Variants in KNDC1 observed in about 807,000 individuals in gnomAD.
KNDC1 encodes the protein kinase non-catalytic C-lobe domain-containing protein 1.
In KNDC1, 106 loss-of-function variants were observed where a neutral mutation model predicts 172.8. The observed-to-expected ratio is 0.61, with a 90% CI of 0.52 to 0.72. KNDC1 has a LOEUF of 0.72. KNDC1 is among the 30% of genes least tolerant of loss of function. The pLI, the probability that KNDC1 is intolerant of heterozygous loss-of-function variation, is 0.00. For synonymous variants in KNDC1, 1,083 were observed against 1,062.2 expected (o/e 1.02, Z -0.38); for missense variants, 2,325 against 2,394.5 (o/e 0.97, Z 0.61).
At position 133,163,110 on chromosome 10, in the gene KNDC1, T is replaced by TCCAGGCAGAACAGC. The variant is rs1853029493; in HGVS notation, c.102+2541_102+2542insCCAGGCAGAACAGC. ...GGGTATGGGATCTGAGGCAGAACAG[T>TCCAGGCAGAACAGC]GCAATCCAGGCAGAACAGCGGCTGC... On this transcript the variant is annotated intron_variant, in intron 1 of 29. Transcript: ENST00000304613. The surrounding 1 kb of genome is among the most constrained non-coding windows in gnomAD (Gnocchi z 4.4). 2.0e-5 allele frequency among the ~76,000 whole-genome samples: 3 copies of TCCAGGCAGAACAGC among 152,112 alleles called. No homozygotes were observed. The highest frequency in any genetic ancestry group is 7.2e-5 in the African/African-American group (3 of 41,396).
chr10:133,208,576 C>CG (rs74204219), intron 20 of KNDC1, among the ~76,000 whole-genome samples: 12,847 of 50,480 alleles, frequency 0.25, 3,917 homozygotes, highest in African/African-American at 0.35. Flanking sequence ...TAGAGAGGGA[C>CG]GTGGCCCCAC....
At chr10:133,161,942 G>T (rs2135937290) in intron 1 of KNDC1, among the ~76,000 whole-genome samples, 1 of 152,184 alleles carries the variant, frequency 6.6e-6, no homozygotes, top group South Asian at 2.1e-4. Flanking sequence ...GAGCCCACTT[G>T]GAGCCACAGG....
intron 17 of KNDC1, among the ~76,000 whole-genome samples, chr10:133,204,914 T>G (rs1214340276): frequency 2.7e-5 from 4 of 149,722 alleles, no homozygotes; most frequent in Non-Finnish European, 5.9e-5. Flanking sequence ...CAGGTGCCCC[T>G]GCCCCGTGGC....
rs150378843 is a variant in KNDC1, at chr10:133,163,330, C to T, written c.102+2761C>T. Among the ~76,000 whole-genome samples the T allele has an allele frequency of 3.9e-3, 597 of 152,236 alleles. 3 individuals are homozygous for T. The highest frequency in any genetic ancestry group is 0.014 in the African/African-American group (568 of 41,536). On this transcript the variant is annotated intron_variant, in intron 1 of 29. Coordinates refer to ENST00000304613, the MANE Select transcript of KNDC1 (RefSeq NM_152643.8). The surrounding 1 kb of genome is among the most constrained non-coding windows in gnomAD (Gnocchi z 4.4). ...CTGCCTCCCAGAACCTCCTGTGTGCCGGTGTCAGGCTGGGCTCAGAATCTG... is the reference window on the plus strand; with the variant it reads ...CTGCCTCCCAGAACCTCCTGTGTGCTGGTGTCAGGCTGGGCTCAGAATCTG...
intron 20 of KNDC1, among the ~76,000 whole-genome samples, chr10:133,208,958 G>A (rs539802875): frequency 7.9e-5 from 12 of 152,156 alleles, no homozygotes; most frequent in East Asian, 1.9e-4. Flanking sequence ...CGCATGTGTG[G>A]CGTGGGGTAT....
intron 1 of KNDC1, among the ~76,000 whole-genome samples, chr10:133,166,584 C>T (rs905438078): frequency 1.3e-5 from 2 of 152,094 alleles, no homozygotes; most frequent in African/African-American, 4.8e-5. Flanking sequence ...GTGTGTGAAG[C>T]GGATGGAACT....
In KNDC1 at chr10:133,210,732, G is replaced by A. The variant is rs769307370; in HGVS notation, c.3908+8G>A. 6.9e-6 allele frequency: 11 copies of A among 1,591,560 alleles called. No individual in the cohort carries two copies. Among genetic ancestry groups the A allele is most frequent in the Non-Finnish European group, 8.6e-6 (10 of 1,159,446 alleles). On this transcript the variant is annotated splice_region_variant and intron_variant, in intron 21 of 29. Coordinates refer to ENST00000304613, the MANE Select transcript of KNDC1 (RefSeq NM_152643.8). Reference sequence around the variant, plus strand: ...CAACAGCACGCTGACCAGGTACCAAGCTCCACAGCTCCACGCCCGCCAGAG... The same window carrying A: ...CAACAGCACGCTGACCAGGTACCAAACTCCACAGCTCCACGCCCGCCAGAG...
chr10:133,184,449 TCA>T (rs557388011), intron 5 of KNDC1, among the ~76,000 whole-genome samples: 51 of 152,166 alleles, frequency 3.4e-4, no homozygotes, highest in African/African-American at 1.2e-3. Context: ...ACTCACGTAT[TCA>T]CACACTGACA....
intron 6 of KNDC1, among the ~76,000 whole-genome samples, chr10:133,187,927 GC>G (rs1358228623): frequency 8.0e-6 from 1 of 125,584 alleles, no homozygotes; most frequent in East Asian, 2.1e-4. Flanking sequence ...ACCTCCATGA[GC>G]CTGGCCCCTG....
At position 133,200,374 on chromosome 10, in the gene KNDC1, G is replaced by A; in HGVS notation, c.2904-1G>A. The A allele has an allele frequency of 1.9e-6, 3 of 1,585,774 alleles. No individual in the cohort carries two copies. Among genetic ancestry groups the A allele is most frequent in the Admixed American group, 1.8e-5 (1 of 56,858 alleles). Reference sequence around the variant, plus strand: ...GGACTGACCTGCATTCTCGTCGTCAGCACGGCCGAGGAGGCTGGGTCACAG... The same window carrying A: ...GGACTGACCTGCATTCTCGTCGTCAACACGGCCGAGGAGGCTGGGTCACAG... On this transcript the variant is annotated splice_acceptor_variant, in intron 15 of 29. Transcript: ENST00000304613. LOFTEE classifies it high-confidence loss of function.
At chr10:133,162,416 G>A (rs1367297443) in intron 1 of KNDC1, among the ~76,000 whole-genome samples, 1 of 152,202 alleles carries the variant, frequency 6.6e-6, no homozygotes, top group Admixed American at 6.5e-5. Flanking sequence ...GGAAAGCACG[G>A]TGGCGCCAGG....
intron 3 of KNDC1, among the ~76,000 whole-genome samples, chr10:133,177,633 A>C (rs1853582999): frequency 6.6e-6 from 1 of 151,592 alleles, no homozygotes; most frequent in African/African-American, 2.4e-5. Flanking sequence ...GTGTGTTGTG[A>C]GCATGTGTGT....
At chr10:133,183,801 G>A (rs1047182621) in intron 4 of KNDC1, 71 bp from the exon 5 acceptor site, 129 of 1,231,764 alleles carry the variant, frequency 1.0e-4, no homozygotes, top group Middle Eastern at 5.8e-4. Flanking sequence ...GGATCCGGCC[G>A]TGTCGGGTGG....
In KNDC1 at chr10:133,167,478, G is replaced by A. The variant is rs754953428; in HGVS notation, c.200G>A (p.Arg67Gln). The A allele has an allele frequency of 2.4e-5, 38 of 1,606,454 alleles. No homozygotes were observed. Among genetic ancestry groups the A allele is most frequent in the Admixed American group, 1.9e-4 (11 of 59,156 alleles). ...AVCLECSLSM[R>Q]SVAHAAIFQS... Reference sequence around the variant, plus strand: ...TGCCTGGAGTGCAGCCTGTCCATGCGGAGCGTGGCCCACGCCGCCATCTTC... The same window carrying A: ...TGCCTGGAGTGCAGCCTGTCCATGCAGAGCGTGGCCCACGCCGCCATCTTC... Residue 67 changes from arginine to glutamine, a missense_variant, in exon 2 of 30, where the codon CGG (arginine) becomes CAG (glutamine). Coordinates refer to ENST00000304613, the MANE Select transcript of KNDC1 (RefSeq NM_152643.8).
At position 133,167,164 on chromosome 10, in the gene KNDC1, C is replaced by T. The variant is rs945617462; in HGVS notation, c.103-217C>T. Reference sequence around the variant, plus strand: ...GAGCCGACACCTGCTCTGGGCAGCACGCCGACGGTGCCACCAAATGTTCCG... The same window carrying T: ...GAGCCGACACCTGCTCTGGGCAGCATGCCGACGGTGCCACCAAATGTTCCG... On this transcript the variant is annotated intron_variant, in intron 1 of 29. Transcript: ENST00000304613. 202 of 586,546 alleles carry T rather than the reference C, an allele frequency of 3.4e-4. 2 individuals carry two copies. Among genetic ancestry groups the T allele is most frequent in the Admixed American group, 2.7e-4 (9 of 33,180 alleles). The allele number at this position is 586,546 out of a possible 1,614,324, so 36.3% of individuals were successfully genotyped here.
At chr10:133,219,837 C>A in intron 28 of KNDC1, 118 bp from the exon 29 acceptor site, 1 of 992,702 alleles carries the variant, frequency 1.0e-6, no homozygotes, top group Non-Finnish European at 1.4e-6. Context: ...CGGGTAGACC[C>A]CGTGCGTGGA....
intron 3 of KNDC1, among the ~76,000 whole-genome samples, chr10:133,173,415 G>A (rs1213390949): frequency 3.9e-5 from 6 of 152,172 alleles, no homozygotes; most frequent in Non-Finnish European, 1.5e-5. Context: ...TTAAGGCTAT[G>A]AATGTTCCTC....
intron 3 of KNDC1, among the ~76,000 whole-genome samples, chr10:133,174,903 G>A (rs1853483054): frequency 6.7e-6 from 1 of 149,668 alleles, no homozygotes; most frequent in Admixed American, 6.7e-5. Context: ...ATATGTGAAT[G>A]GATAGGTGGA....
At chr10:133,221,338 C>T (rs916817809) in intron 29 of KNDC1, among the ~76,000 whole-genome samples, 3 of 152,136 alleles carry the variant, frequency 2.0e-5, no homozygotes, top group African/African-American at 4.8e-5. Flanking sequence ...CTGGGGCTGG[C>T]TGTAAAACCT....
Sources: gnomAD v4.1 joint callset for allele counts (sites outside exome capture counted in the v4.1 genomes callset) on GRCh38, gnomAD v4.1.1 for gene constraint, Gnocchi (gnomAD v3.1) non-coding constraint, MANE v1.5 for transcripts, NCBI Gene and HGNC (gene_info 2026-07-23, HGNC 2026-07-21) for gene names.